B4GALNT3: variants seen among roughly 807,000 people sequenced by gnomAD.
B4GALNT3 encodes beta-1,4-N-acetylgalactosaminyltransferase 3.
In B4GALNT3, 86 loss-of-function variants were observed where a neutral mutation model predicts 120.2. The observed-to-expected ratio is 0.72, with a 90% CI of 0.60 to 0.86. The LOEUF is 0.86. Among genes scored for constraint, B4GALNT3 ranks in the 40% least tolerant of loss-of-function variants. The pLI is 0.00. For missense variants in B4GALNT3, 1,167 were observed against 1,298.9 expected (o/e 0.90, Z 1.56); for synonymous variants, 518 against 510.4 (o/e 1.01, Z -0.20).
In B4GALNT3 at chr12:552,224, G is replaced by T. The variant is rs569029329; in HGVS notation, c.1208+61G>T. 224 of 1,443,616 alleles carry T rather than the reference G, an allele frequency of 1.6e-4. No individual in the cohort carries two copies. In the African/African-American group the frequency reaches 2.8e-3, roughly 18 times the overall value. 89.4% of individuals were successfully genotyped at this position (1,443,616 alleles called of 1,614,324 possible). A position where few individuals can be genotyped will look rare whatever the true frequency, so the allele number is the denominator to read the frequency against. On this transcript the variant is annotated intron_variant, in intron 12 of 19. Coordinates refer to ENST00000266383, the MANE Select transcript of B4GALNT3 (RefSeq NM_173593.4). ...GCAGAGGGCTCTGCGGGAGCCAGGA[G>T]AGCTGCCTGGACCAGGGTGATGGTG...
intron 1 of B4GALNT3, among the ~76,000 whole-genome samples, chr12:479,170 G>A (rs1946211755): frequency 6.6e-6 from 1 of 152,060 alleles, no homozygotes; most frequent in South Asian, 2.1e-4. Flanking sequence ...GCAGTGACCT[G>A]ACTCTTGGTG....
rs1374708237 is a variant in B4GALNT3 at position 460,410 on chromosome 12, C to T, written c.34C>T (p.Leu12Phe). The change falls in exon 1 of 20, where the codon CTC becomes TTC. Residue 12 changes from leucine (L) to phenylalanine (F), a missense_variant. This residue lies in a region of B4GALNT3 where 171 missense variants were observed against 161.3 expected (regional missense o/e 1.06). Coordinates refer to ENST00000266383, the MANE Select transcript of B4GALNT3 (RefSeq NM_173593.4). The surrounding 1 kb of genome is among the most constrained non-coding windows in gnomAD (Gnocchi z 8.0). Reference sequence around the variant, plus strand: ...CCCCCGGGCCGCGCGGCCCCCGCTGCTCCTGCGCCCGGTGAAGCTGCTGCG... The same window carrying T: ...CCCCCGGGCCGCGCGGCCCCCGCTGTTCCTGCGCCCGGTGAAGCTGCTGCG... ...GSPRAARPPLLLRPVKLLRRR... is the reference protein window; with the variant it reads ...GSPRAARPPLFLRPVKLLRRR... The T allele has an allele frequency of 1.3e-6, 2 of 1,519,976 alleles. No homozygotes were observed. Among genetic ancestry groups the T allele is most frequent in the Admixed American group, 4.0e-5 (2 of 49,482 alleles). 94.2% of individuals were successfully genotyped at this position (1,519,976 alleles called of 1,614,324 possible).
At chr12:492,659 C>T (rs1946353820) in intron 1 of B4GALNT3, among the ~76,000 whole-genome samples, 1 of 152,146 alleles carries the variant, frequency 6.6e-6, no homozygotes, top group African/African-American at 2.4e-5. Context: ...AAAGTCAAGT[C>T]AGTGTTGGAG....
chr12:485,699 A>G (rs988174245), intron 1 of B4GALNT3, among the ~76,000 whole-genome samples: 6 of 152,204 alleles, frequency 3.9e-5, no homozygotes, highest in Non-Finnish European at 7.3e-5. Context: ...TGTTCGTGTA[A>G]AATGGATACA....
intron 7 of B4GALNT3, 96 bp downstream of exon 7, chr12:546,809 C>T: frequency 8.0e-7 from 1 of 1,242,510 alleles, no homozygotes; most frequent in Non-Finnish European, 1.1e-6. Flanking sequence ...GACTCCAGAG[C>T]TTCCGTGTGT....
intron 1 of B4GALNT3, among the ~76,000 whole-genome samples, chr12:468,573 G>A (rs544216395): frequency 6.6e-6 from 1 of 152,200 alleles, no homozygotes; most frequent in Admixed American, 6.5e-5. Context: ...GACTGGCCAG[G>A]AAGGCCAGAA....
intron 1 of B4GALNT3, among the ~76,000 whole-genome samples, chr12:467,773 C>G (rs1054230071): frequency 6.6e-6 from 1 of 152,192 alleles, no homozygotes; most frequent in African/African-American, 2.4e-5. Context: ...CAGTAGCACC[C>G]TGCCAGGGTG....
chr12:469,210 G>C (rs889984993), intron 1 of B4GALNT3, among the ~76,000 whole-genome samples: 1 of 152,156 alleles, frequency 6.6e-6, no homozygotes, highest in Non-Finnish European at 1.5e-5. Flanking sequence ...CTCACCAATC[G>C]TGAGACCTTG....
At chr12:496,014 A>G (rs931431267) in intron 1 of B4GALNT3, among the ~76,000 whole-genome samples, 2 of 152,208 alleles carry the variant, frequency 1.3e-5, no homozygotes, top group African/African-American at 2.4e-5. Flanking sequence ...TTGTATTCCA[A>G]TACACTTTCT....
chr12:542,521 C>T (rs938196141), intron 3 of B4GALNT3, among the ~76,000 whole-genome samples: 1 of 152,226 alleles, frequency 6.6e-6, no homozygotes, highest in African/African-American at 2.4e-5. Context: ...TCACCAGGCC[C>T]CACCTCCCAC....
chr12:471,039 A>AT (rs1465260716), intron 1 of B4GALNT3, among the ~76,000 whole-genome samples: 1 of 150,868 alleles, frequency 6.6e-6, no homozygotes, highest in Non-Finnish European at 1.5e-5. Flanking sequence ...TAGTGACTGT[A>AT]TTTTTCATAT....
chr12:553,169 G>A (rs1162674119), intron 13 of B4GALNT3, 25 bp from the exon 14 acceptor site: 7 of 1,604,272 alleles, frequency 4.4e-6, no homozygotes, highest in Admixed American at 1.7e-5. Flanking sequence ...CTCTTGACAT[G>A]AGGAATGGTT....
At chr12:463,346 A>G (rs1302623557) in intron 1 of B4GALNT3, among the ~76,000 whole-genome samples, 7 of 152,246 alleles carry the variant, frequency 4.6e-5, no homozygotes, top group African/African-American at 1.4e-4. Flanking sequence ...ATTTGGTTCC[A>G]TATGCAGAAG....
intron 1 of B4GALNT3, among the ~76,000 whole-genome samples, chr12:506,805 T>C (rs1946501213): frequency 1.3e-5 from 2 of 152,098 alleles, no homozygotes; most frequent in Admixed American, 1.3e-4. Context: ...CCCGGCTAAT[T>C]TTTTGTATCT....
At chr12:506,827 G>A (rs998925738) in intron 1 of B4GALNT3, among the ~76,000 whole-genome samples, 15 of 152,208 alleles carry the variant, frequency 9.9e-5, no homozygotes, top group East Asian at 3.9e-4. Flanking sequence ...TAGTAGAGAC[G>A]GGGTTTCACC....
intron 1 of B4GALNT3, among the ~76,000 whole-genome samples, chr12:490,576 A>G (rs1389078687): frequency 1.3e-5 from 2 of 152,198 alleles, no homozygotes; most frequent in Non-Finnish European, 2.9e-5. Flanking sequence ...CAAAAAATAC[A>G]AAAATTATCT....
chr12:524,223 T>A lies in B4GALNT3; in HGVS notation c.170-10943T>A, dbSNP rs528499650. On this transcript the variant is annotated intron_variant, in intron 1 of 19. Transcript: ENST00000266383. The stretch of plus-strand genomic sequence containing the variant: ...AAAGCAGATCCCCATATTCCTTTCT[T>A]GAAGAACAAAGTTACTGTCATACAT... Among the ~76,000 whole-genome samples the A allele has an allele frequency of 3.3e-5, 5 of 152,236 alleles. No homozygotes were observed. The East Asian group carries it at 9.6e-4, about 29-fold the overall frequency.
intron 1 of B4GALNT3, among the ~76,000 whole-genome samples, chr12:495,323 C>G (rs1357489049): frequency 1.3e-5 from 2 of 152,154 alleles, no homozygotes; most frequent in East Asian, 1.9e-4. Flanking sequence ...TCCAGTTGCT[C>G]TCTTTGAGGT....
chr12:541,902 C>T (rs1284181628), intron 3 of B4GALNT3, among the ~76,000 whole-genome samples: 1 of 144,666 alleles, frequency 6.9e-6, no homozygotes, highest in Non-Finnish European at 1.5e-5. Flanking sequence ...CAACAGGCTT[C>T]TCTGGTGGCA....
Sources: allele counts gnomAD v4.1 joint callset (sites outside exome capture counted in the v4.1 genomes callset), GRCh38; gene constraint gnomAD v4.1.1; regional missense constraint gnomAD v4.1.1; non-coding constraint Gnocchi (gnomAD v3.1); transcripts MANE v1.5; gene names NCBI Gene and HGNC (gene_info 2026-07-23, HGNC 2026-07-21).